Variants in DECR1 observed in about 807,000 individuals in gnomAD.
The protein encoded by DECR1 is 2,4-dienoyl-CoA reductase 1.
A neutral mutation model predicts 38.8 loss-of-function variants in DECR1; 44 were observed. The ratio of observed to expected loss-of-function variants is 1.13; its 90% CI spans 0.89 to 1.46. The LOEUF (loss-of-function observed/expected upper bound fraction) is 1.46. DECR1 is among the 40% of genes most tolerant of loss of function. The pLI, the probability that DECR1 is intolerant of heterozygous loss-of-function variation, is 0.00. For missense variants in DECR1, 428 were observed against 405.5 expected (o/e 1.06, Z -0.48); for synonymous variants, 148 against 135.2 (o/e 1.09, Z -0.66).
intron 5 of DECR1, among the ~76,000 whole-genome samples, chr8:90,021,360 G>C (rs1444394307): frequency 6.6e-6 from 1 of 152,160 alleles, no homozygotes; most frequent in Admixed American, 6.5e-5. Context: ...GGAGAAAGAG[G>C]AGGGAAAGGA....
chr8:90,017,175 T>C lies in DECR1; in HGVS notation c.121T>C (p.Ser41Pro). Residue 41 changes from serine to proline, a missense_variant, in exon 2 of 10, where the codon TCT (serine) becomes CCT (proline). Physicochemically the swap from Ser to Pro is moderately conservative, Grantham distance 74. Coordinates refer to ENST00000220764, the MANE Select transcript of DECR1 (RefSeq NM_001359.2). Reference sequence around the variant, plus strand: ...ATATCAAAACACTGAAGCTTTGCAATCTAAATTCTTTTCACCTCTTCAAAA... The same window carrying C: ...ATATCAAAACACTGAAGCTTTGCAACCTAAATTCTTTTCACCTCTTCAAAA... ...ILYQNTEALQ[S>P]KFFSPLQKAM... 4 of 1,614,174 alleles carry C rather than the reference T, an allele frequency of 2.5e-6. No homozygotes were observed. The highest frequency in any genetic ancestry group is 3.4e-6 in the Non-Finnish European group (4 of 1,179,994).
At chr8:90,039,430 C>T (rs1222192601) in intron 6 of DECR1, among the ~76,000 whole-genome samples, 1 of 152,192 alleles carries the variant, frequency 6.6e-6, no homozygotes, top group Non-Finnish European at 1.5e-5. Flanking sequence ...CCTTATAAAA[C>T]TATCAGATCT....
intron 1 of DECR1, chr8:90,015,767 C>T: frequency 2.4e-6 from 1 of 412,590 alleles, no homozygotes; most frequent in Middle Eastern, 3.5e-4. Flanking sequence ...AGCAGGATCT[C>T]AGAGAATAGA....
chr8:90,028,316 G>A (rs1366602051), intron 5 of DECR1, among the ~76,000 whole-genome samples: 1 of 151,872 alleles, frequency 6.6e-6, no homozygotes, highest in East Asian at 1.9e-4. Flanking sequence ...TAAAATGTTG[G>A]CCTCATGTCT....
chr8:90,049,998 C>T (rs1465469272), intron 8 of DECR1, among the ~76,000 whole-genome samples: 1 of 152,152 alleles, frequency 6.6e-6, no homozygotes, highest in East Asian at 1.9e-4. Flanking sequence ...AACTGGATGC[C>T]TTCCTTACTC....
intron 6 of DECR1, 33 bp downstream of exon 6, chr8:90,036,973 C>T: frequency 6.8e-7 from 1 of 1,463,448 alleles, no homozygotes; most frequent in Non-Finnish European, 9.6e-7. Flanking sequence ...TGTTGCTGAA[C>T]ATAACTAATA....
intron 5 of DECR1, among the ~76,000 whole-genome samples, chr8:90,028,880 G>T (rs78898666): frequency 0.02 from 3,075 of 151,904 alleles, 112 homozygotes; most frequent in African/African-American, 0.071. Flanking sequence ...GCAAGTAAGT[G>T]CTCTTTTATT....
chr8:90,026,790 C>T (rs1813356515), intron 5 of DECR1, among the ~76,000 whole-genome samples: 1 of 152,014 alleles, frequency 6.6e-6, no homozygotes, highest in African/African-American at 2.4e-5. Context: ...GCTCTTGCTT[C>T]TCTAGTTCTT....
chr8:90,010,748 T>A (rs1812864037), intron 1 of DECR1, among the ~76,000 whole-genome samples: 1 of 152,218 alleles, frequency 6.6e-6, no homozygotes, highest in Admixed American at 6.5e-5. Context: ...AGAAAATAGA[T>A]GTGGAAATAT....
At chr8:90,031,822 A>G (rs191379818) in intron 5 of DECR1, among the ~76,000 whole-genome samples, 132 of 152,290 alleles carry the variant, frequency 8.7e-4, no homozygotes, top group Admixed American at 2.6e-3. Context: ...TATATGTGAC[A>G]TATAATGCCT....
intron 5 of DECR1, among the ~76,000 whole-genome samples, chr8:90,035,311 C>T (rs1234821678): frequency 6.6e-6 from 1 of 151,792 alleles, no homozygotes; most frequent in Non-Finnish European, 1.5e-5. Flanking sequence ...TCCTCTGTGA[C>T]TCTAACTATA....
rs1813793984 is a variant in DECR1, at chr8:90,042,748, G to T, written c.686G>T (p.Gly229Val). 6 of 1,613,460 alleles carry T rather than the reference G, an allele frequency of 3.7e-6. No homozygotes were observed. The East Asian group carries it at 1.3e-4, about 36-fold the overall frequency. ...AMSKSLAAEWGKYGMRFNVIQ... is the reference protein window; with the variant it reads ...AMSKSLAAEWVKYGMRFNVIQ... ...TTTAGGTCTCTTGCAGCTGAATGGG[G>T]TAAATATGGAATGCGATTCAATGTG... The change falls in exon 7 of 10, where the codon GGT becomes GTT. Residue 229 changes from glycine to valine, a missense_variant. Gly to Val is a moderately radical substitution (Grantham distance 109). Coordinates refer to ENST00000220764, the MANE Select transcript of DECR1 (RefSeq NM_001359.2).
rs1172104548 is a variant in DECR1 at position 90,053,623 on chromosome 8, A to AT, written c.*1733dup. ...ACATTTATATAACTTAATAAATATT[A>AT]TTTTTTTCCAGTGTTGTCTCAACCT... On this transcript the variant is annotated 3_prime_UTR_variant, in exon 10 of 10. Coordinates refer to ENST00000220764, the MANE Select transcript of DECR1 (RefSeq NM_001359.2). Among the ~76,000 whole-genome samples, 2 of 151,724 alleles carry AT rather than the reference A, an allele frequency of 1.3e-5. No individual in the cohort carries two copies. The highest frequency in any genetic ancestry group is 2.1e-4 in the South Asian group (1 of 4,820).
At chr8:90,023,293 G>A (rs1290364645) in intron 5 of DECR1, among the ~76,000 whole-genome samples, 1 of 152,022 alleles carries the variant, frequency 6.6e-6, no homozygotes, top group Non-Finnish European at 1.5e-5. Flanking sequence ...TATTTTCTAG[G>A]TGTTTTCTTG....
At chr8:90,025,975 A>G (rs936276411) in intron 5 of DECR1, among the ~76,000 whole-genome samples, 1 of 152,210 alleles carries the variant, frequency 6.6e-6, no homozygotes, top group Admixed American at 6.5e-5. Flanking sequence ...ATCTATTGAG[A>G]TAATAATGTA....
chr8:90,020,471 C>T (rs1813125702), intron 4 of DECR1, among the ~76,000 whole-genome samples: 1 of 152,140 alleles, frequency 6.6e-6, no homozygotes, highest in Admixed American at 6.6e-5. Context: ...TCAGTGGAGC[C>T]TTGACCTCCT....
chr8:90,050,877 A>G (rs1814064609), intron 8 of DECR1, among the ~76,000 whole-genome samples: 2 of 152,144 alleles, frequency 1.3e-5, no homozygotes, highest in African/African-American at 4.8e-5. Context: ...CTTTGTAGGG[A>G]CATGGATGAA....
At position 90,020,937 on chromosome 8, in the gene DECR1, T is replaced by A. The variant is rs758826963; in HGVS notation, c.446T>A (p.Phe149Tyr). The change falls in exon 5 of 10, where the codon TTT (phenylalanine) becomes TAT (tyrosine). Residue 149 changes from phenylalanine to tyrosine, a missense_variant. Transcript: ENST00000220764. ...NIVINNAAGN[F>Y]ISPTERLSPN... The stretch of plus-strand genomic sequence containing the variant: ...GTGATAAACAATGCAGCAGGGAATT[T>A]TATTTCTCCTACTGAAAGACTTTCT... 1 of 1,580,910 alleles carries A rather than the reference T, an allele frequency of 6.3e-7. No individual in the cohort carries two copies. The highest frequency in any genetic ancestry group is 8.6e-7 in the Non-Finnish European group (1 of 1,167,936).
intron 1 of DECR1, among the ~76,000 whole-genome samples, chr8:90,007,536 G>A (rs908367872): frequency 2.6e-5 from 4 of 152,034 alleles, no homozygotes; most frequent in African/African-American, 9.7e-5. Context: ...ACCAAGGTGG[G>A]GCAGGGCAGG....
Sources: allele counts gnomAD v4.1 joint callset (sites outside exome capture counted in the v4.1 genomes callset), GRCh38; gene constraint gnomAD v4.1.1; transcripts MANE v1.5; gene names NCBI Gene and HGNC (gene_info 2026-07-23, HGNC 2026-07-21).